ZC3H13: variants seen among roughly 807,000 people sequenced by gnomAD.
ZC3H13 encodes the protein zinc finger CCCH domain-containing protein 13.
ZC3H13 carries 64 observed loss-of-function variants against 204.1 expected under a neutral mutation model. The ratio of observed to expected loss-of-function variants is 0.31; its 90% CI spans 0.26 to 0.39. The LOEUF (loss-of-function observed/expected upper bound fraction) is 0.39. Ranked by LOEUF, ZC3H13 falls within the 10% of genes least tolerant of loss-of-function variation. The pLI, the probability that ZC3H13 is intolerant of heterozygous loss-of-function variation, is 1.00. For synonymous variants in ZC3H13, 667 were observed against 693.7 expected, an observed-to-expected ratio of 0.96 and a Z score of 0.60; for missense variants, 1,833 against 2,082.7, an observed-to-expected ratio of 0.88 and a Z score of 2.33.
intron 9 of ZC3H13, 56 bp from the exon 10 acceptor site, chr13:45,985,817 T>C: frequency 1.4e-6 from 2 of 1,440,882 alleles, no homozygotes; most frequent in South Asian, 1.3e-5. Context: ...TTCAGGAAAC[T>C]AGAAAACATA....
At chr13:46,034,624 C>T (rs1247105129) in intron 4 of ZC3H13, among the ~76,000 whole-genome samples, 4 of 152,046 alleles carry the variant, frequency 2.6e-5, no homozygotes, top group African/African-American at 7.2e-5. Flanking sequence ...GATATGTTTT[C>T]GGTTGACAGA....
chr13:45,979,993 A>G lies in ZC3H13; in HGVS notation c.1732T>C (p.Ser578Pro). Residue 578 changes from serine (S) to proline (P), a missense_variant, in exon 11 of 19, where the codon TCA becomes CCA. By Grantham distance (74) the Ser-to-Pro change is moderately conservative (BLOSUM62 -1). This residue lies in a region of ZC3H13 where 1,574 missense variants were observed against 1,757.2 expected (regional missense o/e 0.90). Transcript: ENST00000679008. ...TGACTATCAATTTGAGAACCTCTTG[A>G]GCCTCGACTTCCTAAACAAAGGATA... The part of the protein sequence containing the change: ...PELPEKGSRG[S>P]RGSQIDSHSS... The G allele has an allele frequency of 6.3e-7, 1 of 1,597,464 alleles. No individual in the cohort carries two copies. Among genetic ancestry groups the G allele is most frequent in the Non-Finnish European group, 8.5e-7 (1 of 1,174,372 alleles).
chr13:46,025,953 C>T (rs998673869), intron 4 of ZC3H13, among the ~76,000 whole-genome samples: 1 of 150,720 alleles, frequency 6.6e-6, no homozygotes, highest in South Asian at 2.1e-4. Context: ...TTGGCCTGAA[C>T]GTTAGACCAA....
At chr13:46,040,171 A>G (rs953436126) in intron 4 of ZC3H13, among the ~76,000 whole-genome samples, 2 of 152,230 alleles carry the variant, frequency 1.3e-5, no homozygotes, top group African/African-American at 4.8e-5. Context: ...GTATCACTGT[A>G]TAACATTAGA....
At chr13:45,979,536 A>T (rs973184811) in intron 11 of ZC3H13, among the ~76,000 whole-genome samples, 16 of 152,088 alleles carry the variant, frequency 1.1e-4, no homozygotes, top group African/African-American at 3.9e-4. Flanking sequence ...CATTCTTTAA[A>T]GGTTTGTAAG....
rs2138156367 is a variant in ZC3H13, at chr13:45,983,407, A to ATC, written c.1720+1889_1720+1890insGA. Among the ~76,000 whole-genome samples, 6 of 21,636 alleles carry ATC rather than the reference A, an allele frequency of 2.8e-4. No individual in the cohort carries two copies. The South Asian group carries it at 9.9e-3, about 36-fold the overall frequency. 14.2% of individuals were successfully genotyped at this position (21,636 alleles called of 152,430 possible). A position where few individuals can be genotyped will look rare whatever the true frequency, so the allele number is the denominator to read the frequency against. ...AAAGCAAAGCCCCTTCTACTTATAT[A>ATC]TATATATTTTTTTTTTTTTTTTTTT... On this transcript the variant is annotated intron_variant, in intron 10 of 18. Transcript: ENST00000679008.
intron 18 of ZC3H13, among the ~76,000 whole-genome samples, chr13:45,958,648 GTTTTTTTTT>G (rs10539884): frequency 8.1e-6 from 1 of 123,706 alleles, no homozygotes; most frequent in African/African-American, 3.0e-5. Context: ...AAAAATCCCA[GTTTTTTTTT>G]TTTTTTTTTT....
At chr13:45,998,347 A>G (rs917279914) in intron 8 of ZC3H13, among the ~76,000 whole-genome samples, 4 of 152,074 alleles carry the variant, frequency 2.6e-5, no homozygotes, top group Non-Finnish European at 5.9e-5. Flanking sequence ...CAATAGATTT[A>G]TATCTAAAAA....
intron 9 of ZC3H13, among the ~76,000 whole-genome samples, chr13:45,987,002 C>T (rs921446445): frequency 2.6e-5 from 4 of 152,314 alleles, no homozygotes; most frequent in Non-Finnish European, 5.9e-5. Context: ...ATCTCCATCC[C>T]TTTCTGTGAA....
intron 4 of ZC3H13, among the ~76,000 whole-genome samples, chr13:46,036,231 T>C (rs1245280742): frequency 6.6e-6 from 1 of 151,788 alleles, no homozygotes; most frequent in African/African-American, 2.4e-5. Flanking sequence ...ACAAAACTAA[T>C]AATTGCATGG....
Position 45,969,792 on chromosome 13 carries a change from C to G in ZC3H13, c.2752G>C (p.Asp918His). 1.9e-6 allele frequency: 3 copies of G among 1,613,884 alleles called. No individual in the cohort carries two copies. The African/African-American group carries it at 4.0e-5, about 22-fold the overall frequency. Reference protein sequence around the residue: ...QELKEKVSSVDKQREQTEILE... With the variant: ...QELKEKVSSVHKQREQTEILE... ...ATTTCTGTCTGTTCTCTCTGTTTAT[C>G]TACAGAAGAAACTTTCTCCTTGAGT... Residue 918 changes from aspartate to histidine, a missense_variant, in exon 14 of 19, where the codon GAT becomes CAT. This residue lies in a region of ZC3H13 where 1,574 missense variants were observed against 1,757.2 expected (regional missense o/e 0.90). Transcript: ENST00000679008.
At chr13:46,031,637 TC>T (rs1333980938) in intron 4 of ZC3H13, among the ~76,000 whole-genome samples, 2 of 152,006 alleles carry the variant, frequency 1.3e-5, no homozygotes, top group African/African-American at 4.8e-5. Flanking sequence ...CTGAACAATC[TC>T]ACCAAAGATA....
intron 4 of ZC3H13, among the ~76,000 whole-genome samples, chr13:46,028,183 A>G (rs1307794270): frequency 2.6e-5 from 4 of 152,218 alleles, no homozygotes; most frequent in Non-Finnish European, 5.9e-5. Flanking sequence ...TAGGTATATT[A>G]ATTTCAGACA....
At chr13:45,994,400 A>C (rs1299387937) in intron 8 of ZC3H13, among the ~76,000 whole-genome samples, 2 of 152,226 alleles carry the variant, frequency 1.3e-5, no homozygotes, top group Non-Finnish European at 2.9e-5. Flanking sequence ...TGTAATTTCC[A>C]AAGTTTCAAT....
intron 2 of ZC3H13, 43 bp from the exon 3 acceptor site, chr13:46,045,107 G>T: frequency 1.3e-6 from 2 of 1,513,628 alleles, no homozygotes; most frequent in Non-Finnish European, 1.8e-6. Context: ...ATTTATTTCT[G>T]GAAAAAAAAA....
intron 17 of ZC3H13, chr13:45,962,505 G>A: frequency 1.0e-6 from 1 of 983,766 alleles, no homozygotes; most frequent in Non-Finnish European, 1.2e-6. Context: ...ATTTGCTTAA[G>A]GTCACAGAAC....
At chr13:46,019,315 T>G (rs1246574984) in intron 5 of ZC3H13, among the ~76,000 whole-genome samples, 1 of 152,148 alleles carries the variant, frequency 6.6e-6, no homozygotes, top group East Asian at 1.9e-4. Flanking sequence ...ACAGACAATA[T>G]GTAACCAAAT....
In ZC3H13 at chr13:46,052,698, C is replaced by T. The variant is rs2044573865; in HGVS notation, c.-304G>A. On this transcript the variant is annotated 5_prime_UTR_variant, in exon 1 of 19. Transcript: ENST00000679008. Reference sequence around the variant, plus strand: ...TAAGAAAAGGCAACAAAAACACTACCAGGCCGCTAGGAGGACCGCCTCAAA... The same window carrying T: ...TAAGAAAAGGCAACAAAAACACTACTAGGCCGCTAGGAGGACCGCCTCAAA... 5.0e-6 allele frequency: 2 copies of T among 398,636 alleles called. No individual in the cohort carries two copies. The highest frequency in any genetic ancestry group is 8.8e-6 in the Non-Finnish European group (2 of 226,154). The allele number at this position is 398,636 out of a possible 1,614,324, so 24.7% of individuals were successfully genotyped here. A position where few individuals can be genotyped will look rare whatever the true frequency, so the allele number is the denominator to read the frequency against.
At chr13:46,003,630 CTG>C (rs1309293539) in intron 7 of ZC3H13, among the ~76,000 whole-genome samples, 1 of 151,902 alleles carries the variant, frequency 6.6e-6, no homozygotes, top group Non-Finnish European at 1.5e-5. Context: ...AATACAATGA[CTG>C]TTTAAACTGT....
Sources: gnomAD v4.1 joint callset for allele counts (sites outside exome capture counted in the v4.1 genomes callset) on GRCh38, gnomAD v4.1.1 for gene constraint, gnomAD v4.1.1 regional missense constraint, MANE v1.5 for transcripts, NCBI Gene and HGNC (gene_info 2026-07-23, HGNC 2026-07-21) for gene names.